The following RBFOX1 variants were observed in gnomAD, a reference collection of about 807,000 sequenced individuals.
The protein encoded by RBFOX1 is RNA binding protein fox-1 homolog 1.
Under a neutral mutation model 57.7 loss-of-function variants are expected in RBFOX1, and 8 were observed. The observed-to-expected ratio is 0.14, with a 90% confidence interval of 0.08 to 0.25. The LOEUF is 0.25. Ranked by LOEUF, RBFOX1 falls within the 10% of genes least tolerant of loss-of-function variation. RBFOX1 has a pLI of 1.00. For missense variants in RBFOX1, 611 were observed against 548.5 expected, an observed-to-expected ratio of 1.11 and a Z score of -1.14; for synonymous variants, 326 against 222.4, an observed-to-expected ratio of 1.47 and a Z score of -4.15.
Position 5,672,752 on chromosome 16 carries a change from A to G in RBFOX1, c.318+73791A>G, listed in dbSNP as rs115540005. On this transcript the variant is annotated intron_variant, in intron 3 of 19. Transcript: ENST00000641259. ...TTTAGCGGTTGTTGGTTTGCCTGTA[A>G]TTTGTGTGGCTCACAAGCAGCCCAG... is the stretch of plus-strand genomic sequence containing the variant. 5.3e-3 allele frequency among the ~76,000 whole-genome samples: 799 copies of G among 152,020 alleles called. 5 individuals are homozygous for G. The highest frequency in any genetic ancestry group is 0.019 in the African/African-American group (770 of 41,436).
At chr16:5,751,896 C>T (rs1333673583) in intron 3 of RBFOX1, among the ~76,000 whole-genome samples, 1 of 152,098 alleles carries the variant, frequency 6.6e-6, no homozygotes, top group African/African-American at 2.4e-5. Flanking sequence ...AACAGAAATA[C>T]CATTTGACCC....
At chr16:7,517,003 C>T (rs1412236707) in intron 4 of RBFOX1, among the ~76,000 whole-genome samples, 1 of 152,046 alleles carries the variant, frequency 6.6e-6, no homozygotes, top group Non-Finnish European at 1.5e-5. Flanking sequence ...TCTAATTGAC[C>T]ACAGACAATA....
intron 3 of RBFOX1, among the ~76,000 whole-genome samples, chr16:6,990,677 A>G (rs1195533848): frequency 2.6e-5 from 4 of 152,174 alleles, no homozygotes; most frequent in Non-Finnish European, 5.9e-5. Context: ...AAAAGCCGTG[A>G]TCAGTTTTGC....
intron 1 of RBFOX1, among the ~76,000 whole-genome samples, chr16:6,175,760 G>C (rs780326513): frequency 6.6e-6 from 1 of 152,168 alleles, no homozygotes; most frequent in African/African-American, 2.4e-5. Flanking sequence ...CTGGTCTGTG[G>C]ACTGCACTTT....
intron 1 of RBFOX1, among the ~76,000 whole-genome samples, chr16:6,169,733 T>C (rs1332327426): frequency 1.3e-5 from 2 of 152,220 alleles, no homozygotes; most frequent in Non-Finnish European, 2.9e-5. Flanking sequence ...CAAGACTCAG[T>C]TGTTGTTACA....
At chr16:6,313,565 C>A (rs1434458261) in intron 1 of RBFOX1, among the ~76,000 whole-genome samples, 1 of 152,092 alleles carries the variant, frequency 6.6e-6, no homozygotes, top group Non-Finnish European at 1.5e-5. Context: ...TGGAAGTAAT[C>A]GGTTTGCTAT....
chr16:7,364,509 C>G lies in RBFOX1; in HGVS notation c.28-153638C>G, dbSNP rs183987219. Among the ~76,000 whole-genome samples the G allele has an allele frequency of 1.7e-3, 248 of 147,772 alleles. 2 individuals are homozygous for G. The highest frequency in any genetic ancestry group is 3.2e-3 in the South Asian group (15 of 4,630). On this transcript the variant is annotated intron_variant, in intron 4 of 15. Coordinates refer to ENST00000550418, the MANE Select transcript of RBFOX1 (RefSeq NM_018723.4). ...TTCAAGTACTAGAAATCTACTTGGA[C>G]TATCTTTGGCAAGGGAGAGCATTTA...
At chr16:7,108,165 C>T (rs1417564834) in intron 4 of RBFOX1, among the ~76,000 whole-genome samples, 1 of 152,088 alleles carries the variant, frequency 6.6e-6, no homozygotes, top group Non-Finnish European at 1.5e-5. Flanking sequence ...TTGTGCTCGA[C>T]ACAATTTAAT....
chr16:6,975,887 G>T (rs769656267), intron 3 of RBFOX1, among the ~76,000 whole-genome samples: 15 of 152,266 alleles, frequency 9.9e-5, no homozygotes, highest in East Asian at 7.7e-4. Flanking sequence ...AGCACTTTGG[G>T]AGGCTGAGGT....
At chr16:6,919,205 A>T (rs570873298) in intron 3 of RBFOX1, among the ~76,000 whole-genome samples, 1 of 149,844 alleles carries the variant, frequency 6.7e-6, no homozygotes, top group Non-Finnish European at 1.5e-5. Context: ...CTGGTCTTGA[A>T]CTCCTGACCT....
chr16:7,090,477 G>A (rs532195334), intron 4 of RBFOX1, among the ~76,000 whole-genome samples: 18 of 152,072 alleles, frequency 1.2e-4, no homozygotes, highest in Admixed American at 6.6e-4. Flanking sequence ...CTTTGGAATC[G>A]TATCAATTAA....
At chr16:5,686,493 T>C (rs952780936) in intron 3 of RBFOX1, among the ~76,000 whole-genome samples, 3 of 152,188 alleles carry the variant, frequency 2.0e-5, no homozygotes, top group African/African-American at 7.2e-5. Context: ...GTGCCTCCAC[T>C]GAGAGATCCT....
intron 3 of RBFOX1, among the ~76,000 whole-genome samples, chr16:5,795,273 G>T (rs1271401903): frequency 1.3e-5 from 2 of 151,760 alleles, no homozygotes; most frequent in East Asian, 1.9e-4. Flanking sequence ...ACCAAGATCT[G>T]TTCCACCTTA....
At chr16:6,728,724 G>T (rs1488287983) in intron 3 of RBFOX1, among the ~76,000 whole-genome samples, 3 of 152,146 alleles carry the variant, frequency 2.0e-5, no homozygotes, top group Non-Finnish European at 2.9e-5. Flanking sequence ...TATATTTAAT[G>T]CTCAATAGAA....
At chr16:7,675,218 C>T (rs1353668301) in intron 13 of RBFOX1, among the ~76,000 whole-genome samples, 1 of 150,156 alleles carries the variant, frequency 6.7e-6, no homozygotes, top group Non-Finnish European at 1.5e-5. Flanking sequence ...AACCTGGTGA[C>T]CCAATTTCTC....
intron 1 of RBFOX1, among the ~76,000 whole-genome samples, chr16:6,311,957 A>T (rs555345377): frequency 4.6e-5 from 7 of 152,276 alleles, no homozygotes; most frequent in African/African-American, 1.7e-4. Context: ...CCTTTCAAGG[A>T]CAGTTAAACG....
rs1368645089 is a variant in RBFOX1 at position 5,892,056 on chromosome 16, G to T, written c.351+24721G>T. 8.5e-5 allele frequency among the ~76,000 whole-genome samples: 13 copies of T among 152,288 alleles called. No homozygotes were observed. The South Asian group carries it at 2.7e-3, about 32-fold the overall frequency. On this transcript the variant is annotated intron_variant, in intron 4 of 19. Coordinates refer to the RBFOX1 transcript ENST00000641259. ...TTTCACAAATATTATTTGCATTCCC[G>T]TTAGGCACATCAGTGAGCACAATAG...
intron 3 of RBFOX1, among the ~76,000 whole-genome samples, chr16:6,864,991 TTTTC>T (rs1318759544): frequency 0.094 from 8,438 of 89,396 alleles, 385 homozygotes; most frequent in East Asian, 0.18. Context: ...GGGTTTTTCT[TTTTC>T]TTTTTTTTTT....
chr16:7,632,361 G>A (rs947053784), intron 11 of RBFOX1, among the ~76,000 whole-genome samples: 1 of 152,218 alleles, frequency 6.6e-6, no homozygotes, highest in Admixed American at 6.5e-5. Context: ...TGGGGCCAGT[G>A]TAAATGTGTG....
Sources: gnomAD v4.1 joint callset for allele counts (sites outside exome capture counted in the v4.1 genomes callset) on GRCh38, gnomAD v4.1.1 for gene constraint, MANE v1.5 for transcripts, NCBI Gene and HGNC (gene_info 2026-07-23, HGNC 2026-07-21) for gene names.